The following ATP2C1 variants were observed in gnomAD, a reference collection of about 807,000 sequenced individuals.
The protein encoded by ATP2C1 is calcium-transporting ATPase type 2C member 1.
A neutral mutation model predicts 120.5 loss-of-function variants in ATP2C1; 31 were observed. That is an observed-to-expected ratio of 0.26 (90% CI 0.19 to 0.35). The LOEUF is 0.35. Ranked by LOEUF, ATP2C1 falls within the 10% of genes least tolerant of loss-of-function variation. The pLI, the probability that ATP2C1 is intolerant of heterozygous loss-of-function variation, is 1.00. For synonymous variants in ATP2C1, 351 were observed against 358.7 expected, an observed-to-expected ratio of 0.98 and a Z score of 0.24; for missense variants, 731 against 1,107.5, an observed-to-expected ratio of 0.66 and a Z score of 4.83.
At chr3:130,941,145 ACCT>A (rs1040347584) in intron 7 of ATP2C1, among the ~76,000 whole-genome samples, 4 of 151,612 alleles carry the variant, frequency 2.6e-5, no homozygotes, top group Non-Finnish European at 5.9e-5. Flanking sequence ...CGATCTCCTG[ACCT>A]CGTGATCTGC....
At chr3:130,895,462 C>T (rs897724294) in intron 2 of ATP2C1, among the ~76,000 whole-genome samples, 19 of 152,286 alleles carry the variant, frequency 1.2e-4, no homozygotes, top group African/African-American at 4.3e-4. Flanking sequence ...TCCTACACAG[C>T]ACTGATTATT....
rs542079710 is a variant in ATP2C1 at position 130,989,019 on chromosome 3, G to A, written c.1840-3932G>A. On this transcript the variant is annotated intron_variant, in intron 20 of 27. Transcript: ENST00000510168. ...TGTAATTCCAGCACTTTGGGAGGCC[G>A]AGGCTGGTGGATCATAAGGTCAGGA... Among the ~76,000 whole-genome samples the A allele has an allele frequency of 1.3e-4, 20 of 152,074 alleles. No homozygotes were observed. In the East Asian group the frequency reaches 2.3e-3, roughly 18 times the overall value.
chr3:130,858,026 C>T (rs1045647709), intron 1 of ATP2C1, among the ~76,000 whole-genome samples: 13 of 152,170 alleles, frequency 8.5e-5, no homozygotes, highest in Admixed American at 5.2e-4. Context: ...ACTTGGAGTC[C>T]GATGTTCCAG....
intron 1 of ATP2C1, among the ~76,000 whole-genome samples, chr3:130,865,149 G>A (rs536512645): frequency 6.6e-6 from 1 of 152,328 alleles, no homozygotes; most frequent in African/African-American, 2.4e-5. Context: ...AGCATGACCT[G>A]GATGTGAGAC....
intron 26 of ATP2C1, among the ~76,000 whole-genome samples, chr3:130,999,052 G>T (rs115873536): frequency 0.013 from 2,036 of 152,170 alleles, 37 homozygotes; most frequent in African/African-American, 0.046. Flanking sequence ...TGAGTACAGC[G>T]AATTCTCACT....
Position 130,995,910 on chromosome 3 carries a change from G to A in ATP2C1, c.2058-133G>A, listed in dbSNP as rs115547877. On this transcript the variant is annotated intron_variant, in intron 22 of 27. Coordinates refer to ENST00000510168, the MANE Select transcript of ATP2C1 (RefSeq NM_001378687.1). ...TCTGCCAGTTTCGGCCTCCCAGTGT[G>A]CTGGGATTACAGGCATGAGCCACAG... 3,541 of 684,170 alleles carry A rather than the reference G, an allele frequency of 5.2e-3. 21 individuals are homozygous for A. Among genetic ancestry groups the A allele is most frequent in the Non-Finnish European group, 7.9e-3 (3,048 of 387,406 alleles). The allele number at this position is 684,170 out of a possible 1,614,324, so 42.4% of individuals were successfully genotyped here.
At chr3:130,997,814 A>G in intron 25 of ATP2C1, 61 bp downstream of exon 25, 11 of 1,559,946 alleles carry the variant, frequency 7.1e-6, no homozygotes, top group Non-Finnish European at 9.6e-6. Flanking sequence ...TAGGATTCTT[A>G]GTTATTTTGA....
rs775783154 is a variant in ATP2C1 at position 130,894,727 on chromosome 3, A to G, written c.-43A>G. 1.3e-5 allele frequency: 21 copies of G among 1,614,098 alleles called. No individual in the cohort carries two copies. Among genetic ancestry groups the G allele is most frequent in the Non-Finnish European group, 1.6e-5 (19 of 1,179,978 alleles). ...TCCCAGTGTGGCCGTGGCTGACACT[A>G]AAGACTTTGTAGCCATCAACCCGAG... On this transcript the variant is annotated 5_prime_UTR_variant, in exon 2 of 28. Coordinates refer to ENST00000510168, the MANE Select transcript of ATP2C1 (RefSeq NM_001378687.1). The surrounding 1 kb of genome is among the most constrained non-coding windows in gnomAD (Gnocchi z 4.5).
exon 1 of ATP2C1, chr3:130,850,824 G>A: frequency 2.8e-6 from 4 of 1,437,586 alleles, no homozygotes; most frequent in Non-Finnish European, 3.7e-6. Context: ...CCTCACTATG[G>A]ATAGTCTGTT....
intron 11 of ATP2C1, among the ~76,000 whole-genome samples, chr3:130,958,589 A>G (rs969258864): frequency 1.3e-5 from 2 of 152,160 alleles, no homozygotes; most frequent in Non-Finnish European, 2.9e-5. Context: ...TATTTTATCA[A>G]ACCTCTCGTG....
chr3:130,973,206 G>GA, intron 17 of ATP2C1, among the ~76,000 whole-genome samples: 1 of 152,254 alleles, frequency 6.6e-6, no homozygotes, highest in South Asian at 2.1e-4. Flanking sequence ...TTTCCAGAAT[G>GA]AAAAGACTTT....
chr3:130,963,886 T>A (rs2108631958), intron 12 of ATP2C1, 85 bp from the exon 13 acceptor site: 1 of 1,570,706 alleles, frequency 6.4e-7, no homozygotes, highest in African/African-American at 1.4e-5. Flanking sequence ...TTGCGTTTTA[T>A]TAAGCTTTAA....
exon 27 of ATP2C1, chr3:131,016,440 T>C: frequency 2.2e-6 from 3 of 1,344,468 alleles, no homozygotes; most frequent in Non-Finnish European, 3.1e-6. Context: ...AAGAAATTAA[T>C]TTAAAAAAAC....
chr3:131,003,703 C>T (rs180781909), downstream of ATP2C1, among the ~76,000 whole-genome samples: 1 of 152,258 alleles, frequency 6.6e-6, no homozygotes, highest in African/African-American at 2.4e-5. Context: ...GCAGTAACCA[C>T]CCTCACAAGA....
Position 130,975,449 on chromosome 3 carries a change from C to G in ATP2C1, c.1531C>G (p.Gln511Glu). 1.2e-6 allele frequency: 2 copies of G among 1,613,800 alleles called. No homozygotes were observed. The highest frequency in any genetic ancestry group is 4.5e-5 in the East Asian group (2 of 44,818). ...TLTQQQRDVYQQEKARMGSAG... is the reference protein window; with the variant it reads ...TLTQQQRDVYEQEKARMGSAG... ...TACTCAGCAGCAGAGAGATGTGTAC[C>G]AACAAGAGAAGGCACGCATGGGCTC... The change falls in exon 18 of 28, where the codon CAA becomes GAA. Residue 511 changes from glutamine to glutamate, a missense_variant. Gln to Glu is a conservative substitution (Grantham distance 29, BLOSUM62 2). Around this residue, in one of 3 missense-constraint regions of ATP2C1, gnomAD observed 571 missense variants for 845.9 expected, o/e 0.67. Transcript: ENST00000510168.
intron 1 of ATP2C1, among the ~76,000 whole-genome samples, chr3:130,853,485 G>C (rs2067741141): frequency 6.6e-6 from 1 of 152,164 alleles, no homozygotes; most frequent in Admixed American, 6.5e-5. Flanking sequence ...CATACTTGGG[G>C]AATATTATAA....
chr3:130,900,119 G>A (rs1397310402), intron 2 of ATP2C1, among the ~76,000 whole-genome samples: 2 of 151,910 alleles, frequency 1.3e-5, no homozygotes, highest in Non-Finnish European at 2.9e-5. Context: ...CTGGGACACA[G>A]TAGCATCATT....
chr3:130,940,595 G>A (rs2059849065), intron 6 of ATP2C1, 35 bp from the exon 7 acceptor site: 3 of 1,413,892 alleles, frequency 2.1e-6, no homozygotes, highest in Admixed American at 1.7e-5. Flanking sequence ...ATTCATGGGA[G>A]CAAAATTAAA....
intron 4 of ATP2C1, among the ~76,000 whole-genome samples, chr3:130,932,695 C>A (rs924444956): frequency 1.3e-5 from 2 of 151,984 alleles, no homozygotes; most frequent in Admixed American, 1.3e-4. Context: ...ATCTTGATAA[C>A]GATTGTGTTA....
Sources: gnomAD v4.1 joint callset for allele counts (sites outside exome capture counted in the v4.1 genomes callset) on GRCh38, gnomAD v4.1.1 for gene constraint, gnomAD v4.1.1 regional missense constraint, Gnocchi (gnomAD v3.1) non-coding constraint, MANE v1.5 for transcripts, NCBI Gene and HGNC (gene_info 2026-07-23, HGNC 2026-07-21) for gene names.